The following ADAMTS13 variants were observed in gnomAD, a reference collection of about 807,000 sequenced individuals.
The protein encoded by ADAMTS13 is ADAM metallopeptidase with thrombospondin type 1 motif 13.
In ADAMTS13, 110 loss-of-function variants were observed where a neutral mutation model predicts 155.1. The observed-to-expected ratio is 0.71, with a 90% CI of 0.61 to 0.83. The LOEUF is 0.83. ADAMTS13 is among the 40% of genes least tolerant of loss of function. ADAMTS13 has a pLI of 0.00. For synonymous variants in ADAMTS13, 758 were observed against 756.4 expected (o/e 1.00, Z -0.03); for missense variants, 1,707 against 1,891.7 (o/e 0.90, Z 1.81).
rs587672536 is a variant in ADAMTS13 at position 133,454,303 on chromosome 9, C to T, written c.3045-112C>T. ...CTGCACTTTCCATCTTGCCTGGCCA[C>T]GGAAGCTGTCTAGGCAACTGTCCGA... is the stretch of plus-strand genomic sequence containing the variant. On this transcript the variant is annotated intron_variant, in intron 23 of 28. Transcript: ENST00000355699. 62 of 1,320,284 alleles carry T rather than the reference C, an allele frequency of 4.7e-5. No individual in the cohort carries two copies. The East Asian group carries it at 1.0e-3, about 21-fold the overall frequency. 81.8% of individuals were successfully genotyped at this position (1,320,284 alleles called of 1,614,324 possible). A position where few individuals can be genotyped will look rare whatever the true frequency, so the allele number is the denominator to read the frequency against.
chr9:133,437,884 C>G lies in ADAMTS13; in HGVS notation c.1571C>G (p.Ser524Trp), dbSNP rs782454600. Residue 524 changes from serine (S) to tryptophan (W), a missense_variant, in exon 13 of 29, where the codon TCG (serine) becomes TGG (tryptophan). Transcript: ENST00000355699. ...GACGGGACCCTGAGCCTGTGTGTGTCGGGCAGCTGCAGGGTAGGCGTGTGT... is the reference window on the plus strand; with the variant it reads ...GACGGGACCCTGAGCCTGTGTGTGTGGGGCAGCTGCAGGGTAGGCGTGTGT... ...REDGTLSLCV[S>W]GSCRTFGCDG... 6 of 1,613,590 alleles carry G rather than the reference C, an allele frequency of 3.7e-6. No homozygotes were observed. In the East Asian group the frequency reaches 1.3e-4, roughly 36 times the overall value.
rs1564418207 is a variant in ADAMTS13, at chr9:133,433,475, C to T, written c.1190C>T (p.Ser397Phe). The T allele has an allele frequency of 6.2e-7, 1 of 1,613,622 alleles. No homozygotes were observed. Residue 397 changes from serine (S) to phenylalanine (F), a missense_variant, in exon 10 of 29, where the codon TCC becomes TTC. Ser to Phe is a radical substitution (Grantham distance 155). Coordinates refer to ENST00000355699, the MANE Select transcript of ADAMTS13 (RefSeq NM_139027.6). ...WSSWGPRSPC[S>F]RSCGGGVVTR... ...AGCTGGGGTCCCCGAAGTCCTTGCT[C>T]CCGCTCCTGCGGAGGAGGTGTGGTC...
chr9:133,433,353 A>G (rs782578627), intron 9 of ADAMTS13, 25 bp from the exon 10 acceptor site: 1 of 1,611,616 alleles, frequency 6.2e-7, no homozygotes, highest in East Asian at 2.2e-5. Flanking sequence ...GTGGGATGGG[A>G]GATGAAGCCA....
chr9:133,443,417 G>C lies in ADAMTS13; in HGVS notation c.2276G>C (p.Gly759Ala), dbSNP rs1373440842. The C allele has an allele frequency of 1.3e-6, 2 of 1,598,898 alleles. No individual in the cohort carries two copies. Among genetic ancestry groups the C allele is most frequent in the African/African-American group, 2.7e-5 (2 of 74,854 alleles). ...TTCGGCCCATGCAGCGCCTCCTGTG[G>C]GGGTGGCCTGCGGGAGCGGCCAGTG... ...GDFGPCSASC[G>A]GGLRERPVRC... Residue 759 changes from glycine (G) to alanine (A), a missense_variant, in exon 19 of 29, where the codon GGG becomes GCG. Physicochemically the swap from Gly to Ala is moderately conservative, Grantham distance 60. Around this residue, in one of 3 missense-constraint regions of ADAMTS13, gnomAD observed 961 missense variants for 1,107.9 expected, o/e 0.87. Transcript: ENST00000355699.
At chr9:133,437,318 G>A (rs781835661) in intron 12 of ADAMTS13, among the ~76,000 whole-genome samples, 5 of 152,286 alleles carry the variant, frequency 3.3e-5, no homozygotes, top group Admixed American at 6.5e-5. Flanking sequence ...GTGCAGGGGC[G>A]TAATCTCAGC....
Position 133,438,457 on chromosome 9 carries a change from C to T in ADAMTS13, c.1705+91C>T, listed in dbSNP as rs1044453174. ...GCGTTGGTGCAGGGGCTGCTCAGGT[C>T]ACAGGGCCTGCACACTCACTCAGCC... On this transcript the variant is annotated intron_variant, in intron 14 of 28. Coordinates refer to ENST00000355699, the MANE Select transcript of ADAMTS13 (RefSeq NM_139027.6). 10 of 1,565,346 alleles carry T rather than the reference C, an allele frequency of 6.4e-6. No individual in the cohort carries two copies. The African/African-American group carries it at 1.2e-4, about 19-fold the overall frequency.
chr9:133,436,532 CCT>C (rs1385373585), intron 11 of ADAMTS13, among the ~76,000 whole-genome samples: 1 of 152,198 alleles, frequency 6.6e-6, no homozygotes, highest in African/African-American at 2.4e-5. Flanking sequence ...CATCCCCGTC[CCT>C]GTTTTATTGA....
At chr9:133,418,302 T>G (rs1554782224), upstream of ADAMTS13, among the ~76,000 whole-genome samples, 1 of 152,178 alleles carries the variant, frequency 6.6e-6, no homozygotes, top group Non-Finnish European at 1.5e-5. Flanking sequence ...CACTGGGCGG[T>G]GGGGCTAGTG....
upstream of ADAMTS13, chr9:133,417,720 G>C (rs782132225): frequency 6.2e-7 from 1 of 1,614,116 alleles, no homozygotes; most frequent in South Asian, 1.1e-5. Context: ...TACTTCCCGC[G>C]CCTTGCTTTT....
At chr9:133,443,229 C>A in intron 18 of ADAMTS13, 147 bp from the exon 19 acceptor site, 2 of 1,020,556 alleles carry the variant, frequency 2.0e-6, no homozygotes, top group Non-Finnish European at 2.9e-6. Flanking sequence ...AGCCGTCTGG[C>A]AGCCTGGGAA....
In ADAMTS13 at chr9:133,456,289, C is replaced by T. The variant is rs1842738768; in HGVS notation, c.3547+74C>T. 1 of 1,603,710 alleles carries T rather than the reference C, an allele frequency of 6.2e-7. No individual in the cohort carries two copies. Among genetic ancestry groups the T allele is most frequent in the African/African-American group, 1.3e-5 (1 of 74,812 alleles). ...GGAGCCAGCACGACGCTGCATGCCCCATTCCTGGCAGGAGCCCATGTGCAT... is the reference window on the plus strand; with the variant it reads ...GGAGCCAGCACGACGCTGCATGCCCTATTCCTGGCAGGAGCCCATGTGCAT... On this transcript the variant is annotated intron_variant, in intron 26 of 28. Transcript: ENST00000355699. The surrounding 1 kb of genome is among the most constrained non-coding windows in gnomAD (Gnocchi z 4.4).
At chr9:133,438,440 G>A (rs1445665369) in intron 14 of ADAMTS13, 74 bp downstream of exon 14, 1 of 1,594,100 alleles carries the variant, frequency 6.3e-7, no homozygotes, top group Non-Finnish European at 8.5e-7. Context: ...GAGCGTTGGT[G>A]CAGGGGCTGC....
At chr9:133,416,584 C>G (rs1554781610) in intron 1 of ADAMTS13, among the ~76,000 whole-genome samples, 2 of 152,064 alleles carry the variant, frequency 1.3e-5, no homozygotes, top group African/African-American at 4.8e-5. Flanking sequence ...CAAGGGAGCT[C>G]CAAGGGATGT....
chr9:133,414,908 G>T (rs1588139489), intron 1 of ADAMTS13: 1 of 1,614,078 alleles, frequency 6.2e-7, no homozygotes, highest in Non-Finnish European at 8.5e-7. Flanking sequence ...TTGAGGCGAG[G>T]TCTCTTTTTT....
At chr9:133,418,253 CTGTGTGTG>C (rs1386514492), upstream of ADAMTS13, among the ~76,000 whole-genome samples, 1 of 152,346 alleles carries the variant, frequency 6.6e-6, no homozygotes, top group South Asian at 2.1e-4. Flanking sequence ...TGGGGGGCCG[CTGTGTGTG>C]TAGCACCTGG....
chr9:133,445,761 T>C lies in ADAMTS13; in HGVS notation c.2673T>C (p.Ala891=). The change falls in exon 21 of 29, where the codon GCT becomes GCC. Residue 891 remains alanine, a synonymous_variant. Transcript: ENST00000355699. The surrounding 1 kb of genome is among the most constrained non-coding windows in gnomAD (Gnocchi z 5.0). ...PSPWGSIRTG[A]QAAHVWTPAA... ...CATGGGGCAGCATCAGGACGGGGGC[T>C]CAAGCTGCACACGTGTGGACCCCTG... The C allele has an allele frequency of 1.2e-6, 2 of 1,609,714 alleles. No individual in the cohort carries two copies. The highest frequency in any genetic ancestry group is 1.7e-6 in the Non-Finnish European group (2 of 1,177,386).
chr9:133,436,777 C>CGGGGGGGG, intron 11 of ADAMTS13, 52 bp from the exon 12 acceptor site: 2 of 527,460 alleles, frequency 3.8e-6, no homozygotes, highest in East Asian at 6.8e-5. Context: ...CCAGTGACAA[C>CGGGGGGGG]ACCCGCCCCC....
At chr9:133,436,784 C>G in intron 11 of ADAMTS13, 45 bp from the exon 12 acceptor site, 2 of 474,712 alleles carry the variant, frequency 4.2e-6, no homozygotes, top group Non-Finnish European at 8.4e-6. Flanking sequence ...CAACACCCGC[C>G]CCCCGCCCCA....
chr9:133,426,242 G>A lies in ADAMTS13; in HGVS notation c.583G>A (p.Val195Ile), dbSNP rs138489501. 1.3e-4 allele frequency: 210 copies of A among 1,613,148 alleles called. No homozygotes were observed. Among genetic ancestry groups the A allele is most frequent in the African/African-American group, 7.3e-4 (55 of 74,940 alleles). The part of the protein sequence containing the change: ...LPDGNRQVRG[V>I]TQLGGACSPT... ...TGATGGTAACCGGCAGGTGCGGGGC[G>A]TCACCCAGCTGGGCGGTGCCTGCTC... Residue 195 changes from valine (V) to isoleucine (I), a missense_variant, in exon 6 of 29, where the codon GTC becomes ATC. This residue lies in a region of ADAMTS13 where 733 missense variants were observed against 749.6 expected (regional missense o/e 0.98). Coordinates refer to ENST00000355699, the MANE Select transcript of ADAMTS13 (RefSeq NM_139027.6).
Sources: gnomAD v4.1 joint callset for allele counts (sites outside exome capture counted in the v4.1 genomes callset) on GRCh38, gnomAD v4.1.1 for gene constraint, gnomAD v4.1.1 regional missense constraint, Gnocchi (gnomAD v3.1) non-coding constraint, MANE v1.5 for transcripts, NCBI Gene and HGNC (gene_info 2026-07-23, HGNC 2026-07-21) for gene names.